The following SYTL3 variants were observed in gnomAD, a reference collection of about 807,000 sequenced individuals.
The protein encoded by SYTL3 is synaptotagmin-like protein 3.
A neutral mutation model predicts 82.1 loss-of-function variants in SYTL3; 88 were observed. The ratio of observed to expected loss-of-function variants is 1.07; its 90% confidence interval spans 0.90 to 1.28. SYTL3 has a LOEUF of 1.28. SYTL3 is among the 50% of genes most tolerant of loss of function. The pLI is 0.00. For missense variants in SYTL3, 831 were observed against 757.6 expected (o/e 1.10, Z -1.14); for synonymous variants, 311 against 289.4 (o/e 1.07, Z -0.76).
At chr6:158,758,183 G>T (rs1408699178) in intron 14 of SYTL3, among the ~76,000 whole-genome samples, 2 of 152,172 alleles carry the variant, frequency 1.3e-5, no homozygotes. Flanking sequence ...GCTCTTGACT[G>T]TAATCCCAGC....
rs777786686 is a variant in SYTL3, at chr6:158,764,858, T to A, written c.*254T>A. 2.6e-6 allele frequency: 1 copy of A among 388,080 alleles called. No homozygotes were observed. The highest frequency in any genetic ancestry group is 4.7e-6 in the Non-Finnish European group (1 of 214,004). The allele number at this position is 388,080 out of a possible 1,614,324, so 24.0% of individuals were successfully genotyped here. A position where few individuals can be genotyped will look rare whatever the true frequency, so the allele number is the denominator to read the frequency against. ...GAAAATGGCCAGATTTTAATAAACG[T>A]TGTTACCCATGTCCTCCAGTGCTTA... On this transcript the variant is annotated 3_prime_UTR_variant, in exon 18 of 18. Coordinates refer to ENST00000611299, the MANE Select transcript of SYTL3 (RefSeq NM_001242394.2).
chr6:158,745,100 GC>G (rs1787445001), intron 11 of SYTL3, among the ~76,000 whole-genome samples: 1 of 151,914 alleles, frequency 6.6e-6, no homozygotes, highest in Admixed American at 6.6e-5. Context: ...CAGCCACTTA[GC>G]CCCAGACTGT....
Position 158,724,320 on chromosome 6 carries a change from A to T in SYTL3, c.721-1183A>T, listed in dbSNP as rs73593045. On this transcript the variant is annotated intron_variant, in intron 10 of 17. Coordinates refer to ENST00000611299, the MANE Select transcript of SYTL3 (RefSeq NM_001242394.2). ...AGTTGGCATTCTGGGGATGGAAAGCATAAATAATTTGGAGGTAATCCTTTC... is the reference window on the plus strand; with the variant it reads ...AGTTGGCATTCTGGGGATGGAAAGCTTAAATAATTTGGAGGTAATCCTTTC... 2.9e-3 allele frequency among the ~76,000 whole-genome samples: 449 copies of T among 152,358 alleles called. 1 individual carries two copies. Among genetic ancestry groups the T allele is most frequent in the Middle Eastern group, 0.01 (3 of 294 alleles).
intron 6 of SYTL3, among the ~76,000 whole-genome samples, chr6:158,693,844 C>CTTTTACTT (rs763990639): frequency 1.8e-3 from 102 of 55,584 alleles, no homozygotes; most frequent in South Asian, 0.012. Context: ...TCCAGCCTTT[C>CTTTTACTT]TTTTTCTTTT....
intron 9 of SYTL3, among the ~76,000 whole-genome samples, chr6:158,715,428 C>T (rs1783250882): frequency 6.6e-6 from 1 of 152,088 alleles, no homozygotes; most frequent in Admixed American, 6.6e-5. Context: ...GTCAGGTGGC[C>T]ACCCCAGAGC....
rs755636889 is a variant in SYTL3 at position 158,665,393 on chromosome 6, A to C, written c.111-2A>C. 7 of 1,578,406 alleles carry C rather than the reference A, an allele frequency of 4.4e-6. No homozygotes were observed. The East Asian group carries it at 1.6e-4, about 37-fold the overall frequency. ...TATCTTCTTTAACTCTGAGGGCTGC[A>C]GGAAACTGAAAACACACCTGCAGCA... On this transcript the variant is annotated splice_acceptor_variant, in intron 4 of 17. Coordinates refer to ENST00000611299, the MANE Select transcript of SYTL3 (RefSeq NM_001242394.2). LOFTEE classifies it high-confidence loss of function.
chr6:158,719,183 G>C (rs1284981412), intron 10 of SYTL3, among the ~76,000 whole-genome samples: 2 of 152,188 alleles, frequency 1.3e-5, no homozygotes, highest in East Asian at 3.8e-4. Flanking sequence ...TGCCAGCATT[G>C]ACTATGATGT....
chr6:158,727,303 C>G (rs1290562497), intron 11 of SYTL3, among the ~76,000 whole-genome samples: 1 of 151,844 alleles, frequency 6.6e-6, no homozygotes, highest in Non-Finnish European at 1.5e-5. Context: ...TCCTGAGTAG[C>G]TGGGATTACA....
intron 11 of SYTL3, 104 bp downstream of exon 11, chr6:158,725,741 T>C: frequency 7.0e-7 from 1 of 1,428,280 alleles, no homozygotes; most frequent in Non-Finnish European, 9.6e-7. Flanking sequence ...TGAAGGTCCT[T>C]ATTTTTGGAG....
chr6:158,758,528 G>C (rs1789465271), intron 14 of SYTL3, among the ~76,000 whole-genome samples: 1 of 152,028 alleles, frequency 6.6e-6, no homozygotes, highest in Non-Finnish European at 1.5e-5. Context: ...TGGACATAAG[G>C]CACAAGGGCC....
At chr6:158,664,917 G>A (rs962561821) in intron 4 of SYTL3, among the ~76,000 whole-genome samples, 1 of 150,508 alleles carries the variant, frequency 6.6e-6, no homozygotes, top group Non-Finnish European at 1.5e-5. Flanking sequence ...AAAAAAAAAT[G>A]TAGCAAAAGC....
intron 11 of SYTL3, among the ~76,000 whole-genome samples, chr6:158,732,158 C>T (rs1785488940): frequency 1.3e-5 from 2 of 152,138 alleles, no homozygotes; most frequent in Non-Finnish European, 2.9e-5. Context: ...TCCTATACAA[C>T]ACTAAAGGTT....
intron 13 of SYTL3, 133 bp downstream of exon 13, chr6:158,752,163 C>T (rs1014978722): frequency 5.2e-5 from 26 of 504,770 alleles, no homozygotes; most frequent in Admixed American, 1.7e-4. Flanking sequence ...TATGTTTCTT[C>T]GCAGCTCTGT....
intron 2 of SYTL3, among the ~76,000 whole-genome samples, chr6:158,655,084 TA>T (rs1461814782): frequency 6.6e-6 from 1 of 152,232 alleles, no homozygotes; most frequent in Non-Finnish European, 1.5e-5. Flanking sequence ...AGTGACCGAA[TA>T]AATGTCATCC....
In SYTL3 at chr6:158,705,219, GA is replaced by G. The variant is rs869299926; in HGVS notation, c.395-2010del. On this transcript the variant is annotated intron_variant, in intron 6 of 17. Transcript: ENST00000611299. ...CCACATAGGGCAGGAGGGACCTGGG[GA>G]CAGGGTGACAGTGAGGGCTGTAAGG... 0.012 allele frequency among the ~76,000 whole-genome samples: 198 copies of G among 15,934 alleles called. 9 individuals are homozygous for G. The East Asian group carries it at 0.24, about 19-fold the overall frequency. 10.5% of individuals were successfully genotyped at this position (15,934 alleles called of 152,430 possible). A position where few individuals can be genotyped will look rare whatever the true frequency, so the allele number is the denominator to read the frequency against.
In SYTL3 at chr6:158,741,324, C is replaced by T. The variant is rs183613441; in HGVS notation, c.856-4156C>T. Among the ~76,000 whole-genome samples the T allele has an allele frequency of 2.0e-5, 3 of 152,334 alleles. No individual in the cohort carries two copies. In the East Asian group the frequency reaches 5.8e-4, roughly 29 times the overall value. ...CCTCAGGTGATCCACCTGCCTTGGC[C>T]TCCCAAAGTGCTGGGACTACAAGCG... On this transcript the variant is annotated intron_variant, in intron 11 of 17. Coordinates refer to ENST00000611299, the MANE Select transcript of SYTL3 (RefSeq NM_001242394.2).
At position 158,713,889 on chromosome 6, in the gene SYTL3, G is replaced by A; in HGVS notation, c.595+11G>A. On this transcript the variant is annotated intron_variant, in intron 9 of 17. Transcript: ENST00000611299. ...CTACCCACGTGAAAAGTAAGTGCAT[G>A]CTTCATGATGTGTTTTCCCACTACC... The A allele has an allele frequency of 6.5e-7, 1 of 1,543,432 alleles. No individual in the cohort carries two copies.
upstream of SYTL3, chr6:158,649,972 T>G (rs1254051121): frequency 5.9e-5 from 9 of 152,118 alleles, no homozygotes; most frequent in Admixed American, 3.9e-4. Flanking sequence ...CGTCAGCCTG[T>G]GCCCGACAGG....
rs1392412880 is a variant in SYTL3 at position 158,753,922 on chromosome 6, A to C, written c.1137+1892A>C. Among the ~76,000 whole-genome samples, 27 of 152,034 alleles carry C rather than the reference A, an allele frequency of 1.8e-4. 1 individual carries two copies. The highest frequency in any genetic ancestry group is 1.7e-3 in the East Asian group (9 of 5,172). ...AATCGGCATCTCTAATTGATCCTAA[A>C]TGCAAAATAACCCAACACCGGCCAG... On this transcript the variant is annotated intron_variant, in intron 13 of 17. Coordinates refer to ENST00000611299, the MANE Select transcript of SYTL3 (RefSeq NM_001242394.2).
Sources: allele counts gnomAD v4.1 joint callset (sites outside exome capture counted in the v4.1 genomes callset), GRCh38; gene constraint gnomAD v4.1.1; transcripts MANE v1.5; gene names NCBI Gene and HGNC (gene_info 2026-07-23, HGNC 2026-07-21).